EXOC4: variants seen among roughly 807,000 people sequenced by gnomAD.
EXOC4 encodes the protein exocyst complex component 4.
In EXOC4, 71 loss-of-function variants were observed where a neutral mutation model predicts 107.2. That is an observed-to-expected ratio of 0.66 (90% CI 0.55 to 0.81). The LOEUF is 0.81. EXOC4 is among the 30% of genes least tolerant of loss of function. The pLI is 0.00. For missense variants in EXOC4, 1,108 were observed against 1,189.6 expected (o/e 0.93, Z 1.01); for synonymous variants, 456 against 441.2 (o/e 1.03, Z -0.42).
chr7:133,418,970 G>GA (rs1420174736), intron 7 of EXOC4, among the ~76,000 whole-genome samples: 4 of 152,172 alleles, frequency 2.6e-5, no homozygotes, highest in Admixed American at 2.0e-4. Flanking sequence ...TCAGTGGTGA[G>GA]AAAAAGGTCA....
chr7:133,340,336 A>G (rs1795629569), intron 5 of EXOC4, among the ~76,000 whole-genome samples: 1 of 150,828 alleles, frequency 6.6e-6, no homozygotes, highest in African/African-American at 2.4e-5. Context: ...ATGTTAAACT[A>G]TCCAAGCATC....
At chr7:133,794,195 T>A (rs147412792) in intron 10 of EXOC4, among the ~76,000 whole-genome samples, 1 of 152,358 alleles carries the variant, frequency 6.6e-6, no homozygotes, top group Non-Finnish European at 1.5e-5. Context: ...TTGAATCCTC[T>A]GTGATGCTTC....
downstream of EXOC4, among the ~76,000 whole-genome samples, chr7:134,069,431 C>A (rs1225560297): frequency 6.6e-6 from 1 of 150,480 alleles, no homozygotes; most frequent in Non-Finnish European, 1.5e-5. Context: ...TCCTCTTCTC[C>A]TCCTCCTTCT....
At chr7:134,036,379 G>A (rs1402731141) in intron 17 of EXOC4, among the ~76,000 whole-genome samples, 1 of 152,154 alleles carries the variant, frequency 6.6e-6, no homozygotes, top group Non-Finnish European at 1.5e-5. Flanking sequence ...TTTGAGCTCA[G>A]GAGTTCAAGA....
chr7:133,529,405 G>GT (rs1315066472), intron 9 of EXOC4, among the ~76,000 whole-genome samples: 1 of 152,144 alleles, frequency 6.6e-6, no homozygotes, highest in Non-Finnish European at 1.5e-5. Context: ...AGGGTTGCAA[G>GT]TTTAAGTTTC....
chr7:133,784,970 T>G (rs1382860610), intron 10 of EXOC4, among the ~76,000 whole-genome samples: 1 of 152,224 alleles, frequency 6.6e-6, no homozygotes, highest in Non-Finnish European at 1.5e-5. Flanking sequence ...TGCAGCTACA[T>G]GACCACAGAA....
Position 133,938,079 on chromosome 7 carries a change from T to C in EXOC4, c.2206+10T>C, listed in dbSNP as rs1166731555. On this transcript the variant is annotated intron_variant, in intron 14 of 17. Transcript: ENST00000253861. ...CTTTCTACATCCCAGAGTAAGTATCTAGTAGGAAGCTGTTGTGGGGACAGT... is the reference window on the plus strand; with the variant it reads ...CTTTCTACATCCCAGAGTAAGTATCCAGTAGGAAGCTGTTGTGGGGACAGT... The C allele has an allele frequency of 6.2e-7, 1 of 1,613,938 alleles. No homozygotes were observed. The highest frequency in any genetic ancestry group is 1.1e-5 in the South Asian group (1 of 91,062).
chr7:133,377,579 A>C (rs1796517068), intron 7 of EXOC4, among the ~76,000 whole-genome samples: 1 of 152,164 alleles, frequency 6.6e-6, no homozygotes, highest in Admixed American at 6.6e-5. Flanking sequence ...GTACAGAAGG[A>C]GAGAGGACAG....
chr7:133,478,256 A>T (rs537494834), intron 8 of EXOC4, among the ~76,000 whole-genome samples: 1 of 151,836 alleles, frequency 6.6e-6, no homozygotes, highest in East Asian at 1.9e-4. Context: ...AACCTCAGTC[A>T]GACCACATAC....
the EXOC4 span, among the ~76,000 whole-genome samples, chr7:134,082,575 G>C: frequency 6.6e-6 from 1 of 152,114 alleles, no homozygotes; most frequent in East Asian, 1.9e-4. Context: ...AGAGTAGCTG[G>C]GACTACAGGC....
intron 6 of EXOC4, among the ~76,000 whole-genome samples, chr7:133,365,204 G>A (rs926902038): frequency 6.6e-6 from 1 of 152,068 alleles, no homozygotes; most frequent in African/African-American, 2.4e-5. Context: ...ATAGTACTAA[G>A]AACAACAAAG....
chr7:134,035,604 C>T (rs1288375107), intron 17 of EXOC4, among the ~76,000 whole-genome samples: 1 of 152,084 alleles, frequency 6.6e-6, no homozygotes. Context: ...AAAACACTGA[C>T]TTAAGTGACT....
At chr7:133,650,321 A>G (rs1044198144) in intron 10 of EXOC4, among the ~76,000 whole-genome samples, 10 of 152,106 alleles carry the variant, frequency 6.6e-5, no homozygotes, top group African/African-American at 2.4e-4. Flanking sequence ...GGAAAAAGGA[A>G]AAAAGGCTTG....
intron 9 of EXOC4, among the ~76,000 whole-genome samples, chr7:133,566,134 A>C (rs1363673534): frequency 6.6e-6 from 1 of 152,206 alleles, no homozygotes; most frequent in African/African-American, 2.4e-5. Context: ...TCTTTTTGTC[A>C]TGATTTTAAT....
At chr7:133,458,426 C>T (rs1477865432) in intron 7 of EXOC4, among the ~76,000 whole-genome samples, 1 of 152,168 alleles carries the variant, frequency 6.6e-6, no homozygotes, top group Non-Finnish European at 1.5e-5. Context: ...GAGGAGATGT[C>T]ATATTCATTT....
chr7:133,820,387 A>C (rs537475351), intron 11 of EXOC4, among the ~76,000 whole-genome samples: 2 of 151,890 alleles, frequency 1.3e-5, no homozygotes, highest in South Asian at 4.1e-4. Flanking sequence ...AATTCCCCAT[A>C]CTCAAGCTTC....
chr7:133,442,803 T>A lies in EXOC4; in HGVS notation c.1183-32525T>A, dbSNP rs532682890. On this transcript the variant is annotated intron_variant, in intron 7 of 17. Transcript: ENST00000253861. ...GAATGAATCAAAGATGACCAAGGAA[T>A]CAGTTTTGTGTGTTTTGTGTGACTG... 9.9e-5 allele frequency among the ~76,000 whole-genome samples: 15 copies of A among 152,260 alleles called. No individual in the cohort carries two copies. The East Asian group carries it at 2.9e-3, about 29-fold the overall frequency.
At chr7:134,062,272 G>A (rs561874374) in intron 17 of EXOC4, among the ~76,000 whole-genome samples, 1 of 152,252 alleles carries the variant, frequency 6.6e-6, no homozygotes, top group East Asian at 1.9e-4. Context: ...GAGTGTGTTA[G>A]TTAGAAAAGG....
chr7:133,937,968 G>A lies in EXOC4; in HGVS notation c.2105G>A (p.Arg702His), dbSNP rs924973063. 1.4e-5 allele frequency: 23 copies of A among 1,614,074 alleles called. No homozygotes were observed. Among genetic ancestry groups the A allele is most frequent in the Middle Eastern group, 1.6e-4 (1 of 6,062 alleles). Residue 702 changes from arginine to histidine, a missense_variant, in exon 14 of 18, where the codon CGT becomes CAT. Coordinates refer to ENST00000253861, the MANE Select transcript of EXOC4 (RefSeq NM_021807.4). The stretch of plus-strand genomic sequence containing the variant: ...TTAATCCCTCCACAAGACATCCTTC[G>A]TGACGTCAGTGACCTCAAAGCCTTG... Reference protein sequence around the residue: ...DKLIPPQDILRDVSDLKALAN... With the variant: ...DKLIPPQDILHDVSDLKALAN...
Sources: gnomAD v4.1 joint callset for allele counts (sites outside exome capture counted in the v4.1 genomes callset) on GRCh38, gnomAD v4.1.1 for gene constraint, MANE v1.5 for transcripts, NCBI Gene and HGNC (gene_info 2026-07-23, HGNC 2026-07-21) for gene names.